The following PRKAR1A variants were observed in gnomAD, a reference collection of about 807,000 sequenced individuals.
PRKAR1A encodes protein kinase cAMP-dependent type I regulatory subunit alpha.
Under a neutral mutation model 52.0 loss-of-function variants are expected in PRKAR1A, and 3 were observed. The observed-to-expected ratio is 0.06, with a 90% confidence interval of 0.03 to 0.15. The LOEUF (loss-of-function observed/expected upper bound fraction) is 0.15. Ranked by LOEUF, PRKAR1A falls within the 10% of genes least tolerant of loss-of-function variation. The pLI is 1.00. For synonymous variants in PRKAR1A, 188 were observed against 168.4 expected (o/e 1.12, Z -0.90); for missense variants, 240 against 477.4 (o/e 0.50, Z 4.63).
chr17:68,528,409 T>C (rs1254901737), intron 8 of PRKAR1A, among the ~76,000 whole-genome samples: 1 of 152,226 alleles, frequency 6.6e-6, no homozygotes, highest in Non-Finnish European at 1.5e-5. Context: ...GTGTTTTGGA[T>C]AGTAGTTTGG....
chr17:68,433,610 G>C, the PRKAR1A span: 18 of 1,552,334 alleles, frequency 1.2e-5, no homozygotes, highest in Admixed American at 1.7e-5. Context: ...CAGTGAGCAA[G>C]AGAAATGGGA....
At chr17:68,518,321 CT>C (rs1360687763) in intron 2 of PRKAR1A, among the ~76,000 whole-genome samples, 2 of 152,224 alleles carry the variant, frequency 1.3e-5, no homozygotes, top group African/African-American at 4.8e-5. Context: ...CCGCACTGCC[CT>C]AGCAGAGGTT....
chr17:68,441,848 G>A, the PRKAR1A span, among the ~76,000 whole-genome samples: 1 of 152,134 alleles, frequency 6.6e-6, no homozygotes, highest in Non-Finnish European at 1.5e-5. Flanking sequence ...AAAACACCTT[G>A]GGCTATATCT....
chr17:68,423,145 T>C, the PRKAR1A span, among the ~76,000 whole-genome samples: 1 of 152,162 alleles, frequency 6.6e-6, no homozygotes, highest in Non-Finnish European at 1.5e-5. The surrounding 1 kb of genome is among the most constrained non-coding windows in gnomAD (Gnocchi z 4.4). Flanking sequence ...TCCAAGAGCC[T>C]TTTGTGGTCC....
At chr17:68,516,946 A>G (rs1353601141) in intron 2 of PRKAR1A, among the ~76,000 whole-genome samples, 1 of 152,322 alleles carries the variant, frequency 6.6e-6, no homozygotes, top group East Asian at 1.9e-4. Context: ...TTGGACATCA[A>G]TAGAAACCAT....
At chr17:68,472,922 G>A in the PRKAR1A span, among the ~76,000 whole-genome samples, 1 of 151,942 alleles carries the variant, frequency 6.6e-6, no homozygotes, top group African/African-American at 2.4e-5. Context: ...AACAGCCTGG[G>A]TGACAGAGTG....
At chr17:68,493,082 G>A in the PRKAR1A span, among the ~76,000 whole-genome samples, 13 of 148,886 alleles carry the variant, frequency 8.7e-5, no homozygotes, top group African/African-American at 3.2e-4. Context: ...TTGAGGAATT[G>A]CCACATAGAC....
the PRKAR1A span, among the ~76,000 whole-genome samples, chr17:68,430,415 C>T: frequency 6.6e-6 from 1 of 152,296 alleles, no homozygotes; most frequent in African/African-American, 2.4e-5. Context: ...CTGCTTTCCC[C>T]TATTAAAGAA....
chr17:68,505,973 G>A, the PRKAR1A span, among the ~76,000 whole-genome samples: 18 of 152,314 alleles, frequency 1.2e-4, no homozygotes, highest in African/African-American at 4.1e-4. Context: ...TGTAAACCTA[G>A]AATTGCTAAA....
Position 68,515,282 on chromosome 17 carries a change from C to G in PRKAR1A, c.-6-112C>G, listed in dbSNP as rs538692133. ...CTTCCCTGTTTAAAAACAAAATCTA[C>G]TTAGAAAAAAATCCCTGTGAATCAG... On this transcript the variant is annotated intron_variant, in intron 1 of 10. Transcript: ENST00000589228. The G allele has an allele frequency of 2.4e-6, 3 of 1,253,870 alleles. No homozygotes were observed. In the African/African-American group the frequency reaches 4.5e-5, roughly 19 times the overall value. 77.7% of individuals were successfully genotyped at this position (1,253,870 alleles called of 1,614,324 possible).
chr17:68,543,637 A>C, intron 11 of PRKAR1A: 1 of 1,614,072 alleles, frequency 6.2e-7, no homozygotes, highest in Non-Finnish European at 8.5e-7. Flanking sequence ...ACCTGTCCAG[A>C]TGGAAAGCTG....
the PRKAR1A span, among the ~76,000 whole-genome samples, chr17:68,424,100 T>G: frequency 6.6e-6 from 1 of 152,130 alleles, no homozygotes; most frequent in African/African-American, 2.4e-5. Context: ...TTAAGGCCAG[T>G]TGGGGCCATG....
chr17:68,418,136 C>T, the PRKAR1A span, among the ~76,000 whole-genome samples: 26 of 152,252 alleles, frequency 1.7e-4, no homozygotes, highest in African/African-American at 5.5e-4. Context: ...CCTATTTAGT[C>T]GTCCTTAAAA....
At chr17:68,448,194 A>G in the PRKAR1A span, 74,066 of 151,864 alleles carry the variant, frequency 0.49, 18,508 homozygotes, top group African/African-American at 0.57. Flanking sequence ...CCCGGACACC[A>G]CAGAATCCCT....
At chr17:68,432,749 C>A in the PRKAR1A span, among the ~76,000 whole-genome samples, 1 of 152,162 alleles carries the variant, frequency 6.6e-6, no homozygotes, top group South Asian at 2.1e-4. Context: ...CCTGATCCTG[C>A]CTTTCTCTGC....
chr17:68,525,060 T>G, intron 6 of PRKAR1A, 102 bp downstream of exon 6: 1 of 920,138 alleles, frequency 1.1e-6, no homozygotes, highest in African/African-American at 1.7e-5. Context: ...TTACATCCCT[T>G]GTATGTCAGA....
chr17:68,421,709 T>C, the PRKAR1A span: 1 of 1,611,272 alleles, frequency 6.2e-7, no homozygotes, highest in Admixed American at 1.7e-5. Flanking sequence ...TTCTTCCGCC[T>C]TCCTTGTTTT....
At chr17:68,507,625 A>G (rs577338277), upstream of PRKAR1A, among the ~76,000 whole-genome samples, 10 of 152,290 alleles carry the variant, frequency 6.6e-5, no homozygotes, top group South Asian at 1.0e-3. Flanking sequence ...TCTTCTGCAC[A>G]TGTATCCCGA....
At chr17:68,495,201 A>T in the PRKAR1A span, among the ~76,000 whole-genome samples, 19 of 152,118 alleles carry the variant, frequency 1.2e-4, no homozygotes, top group East Asian at 3.1e-3. Context: ...TAATTTTTTT[A>T]AAAGTTTCTT....
Sources: gnomAD v4.1 joint callset for allele counts (sites outside exome capture counted in the v4.1 genomes callset) on GRCh38, gnomAD v4.1.1 for gene constraint, Gnocchi (gnomAD v3.1) non-coding constraint, MANE v1.5 for transcripts, NCBI Gene and HGNC (gene_info 2026-07-23, HGNC 2026-07-21) for gene names.